The following UBAP2L variants were observed in gnomAD, a reference collection of about 807,000 sequenced individuals.
The protein encoded by UBAP2L is ubiquitin-associated protein 2-like.
In UBAP2L, 12 loss-of-function variants were observed where a neutral mutation model predicts 130.6. The ratio of observed to expected loss-of-function variants is 0.09; its 90% confidence interval spans 0.06 to 0.15. The LOEUF is 0.15. UBAP2L is among the 10% of genes least tolerant of loss of function. UBAP2L has a pLI of 1.00. For missense variants in UBAP2L, 965 were observed against 1,332.5 expected (o/e 0.72, Z 4.29); for synonymous variants, 503 against 524.7 (o/e 0.96, Z 0.57).
At chr1:154,249,091 A>T (rs963655412) in intron 11 of UBAP2L, 148 bp from the exon 12 acceptor site, 17 of 716,698 alleles carry the variant, frequency 2.4e-5, no homozygotes, top group Non-Finnish European at 7.1e-6. Context: ...TAGGTCCTAT[A>T]CTCTAGTGGA....
At chr1:154,242,698 A>G (rs1673967864) in intron 9 of UBAP2L, among the ~76,000 whole-genome samples, 1 of 152,224 alleles carries the variant, frequency 6.6e-6, no homozygotes, top group Admixed American at 6.5e-5. Context: ...TATTAAGGCA[A>G]AAATAACATC....
chr1:154,233,823 A>G (rs1178347646), intron 4 of UBAP2L, among the ~76,000 whole-genome samples: 1 of 149,938 alleles, frequency 6.7e-6, no homozygotes, highest in East Asian at 1.9e-4. Context: ...TTTGGTATGA[A>G]TGATGCTATA....
Position 154,259,928 on chromosome 1 carries a change from T to C in UBAP2L, c.2497-20T>C, listed in dbSNP as rs747955599. Reference sequence around the variant, plus strand: ...AATGAGTGACATTGAATCTCTGCTCTTTTTTCCCCTCTTTTCTAGGATTAC... The same window carrying C: ...AATGAGTGACATTGAATCTCTGCTCCTTTTTCCCCTCTTTTCTAGGATTAC... On this transcript the variant is annotated intron_variant, in intron 21 of 26. Coordinates refer to ENST00000428931, the MANE Select transcript of UBAP2L (RefSeq NM_014847.4). 3 of 1,610,028 alleles carry C rather than the reference T, an allele frequency of 1.9e-6. No individual in the cohort carries two copies. The South Asian group carries it at 3.3e-5, about 18-fold the overall frequency.
At chr1:154,261,216 A>C (rs1383066451) in intron 23 of UBAP2L, 107 bp downstream of exon 23, 2 of 1,273,970 alleles carry the variant, frequency 1.6e-6, no homozygotes, top group Non-Finnish European at 2.1e-6. Context: ...GAGGAGGAAC[A>C]GTTTCCACCT....
At chr1:154,271,488 C>T (rs1364131186), downstream of UBAP2L, 1 of 152,206 alleles carries the variant, frequency 6.6e-6, no homozygotes, top group African/African-American at 2.4e-5. Flanking sequence ...GGGGCCCATT[C>T]CCCCTAGGAA....
chr1:154,220,526 G>A (rs1055161232), upstream of UBAP2L: 2 of 1,112,600 alleles, frequency 1.8e-6, no homozygotes, highest in East Asian at 2.4e-5. Context: ...ATTTCCTTAC[G>A]GGGGAAGACC....
intron 1 of UBAP2L, among the ~76,000 whole-genome samples, chr1:154,224,620 T>TA (rs1389056628): frequency 6.6e-6 from 1 of 152,210 alleles, no homozygotes; most frequent in Non-Finnish European, 1.5e-5. Flanking sequence ...AAAAAGGTTG[T>TA]AAGGCAGGTA....
At chr1:154,249,512 G>C (rs1676769767) in intron 12 of UBAP2L, 75 bp downstream of exon 12, 3 of 1,575,986 alleles carry the variant, frequency 1.9e-6, no homozygotes, top group African/African-American at 1.3e-5. Context: ...GGGGGAGGGG[G>C]TGGAGAATGT....
intron 4 of UBAP2L, among the ~76,000 whole-genome samples, chr1:154,232,647 C>G (rs1456754660): frequency 6.6e-6 from 1 of 152,108 alleles, no homozygotes; most frequent in Non-Finnish European, 1.5e-5. Context: ...TTTGTATAAT[C>G]AGTATCTCTT....
rs1488827739 is a variant in UBAP2L at position 154,268,920 on chromosome 1, A to G, written c.3134A>G (p.Gln1045Arg). 2 of 1,602,852 alleles carry G rather than the reference A, an allele frequency of 1.2e-6. No homozygotes were observed. The highest frequency in any genetic ancestry group is 1.1e-5 in the South Asian group (1 of 90,778). The change falls in exon 26 of 27, where the codon CAG becomes CGG. Residue 1045 changes from glutamine (Q) to arginine (R), a missense_variant. Physicochemically the swap from Gln to Arg is conservative, Grantham distance 43. Around this residue, in one of 9 missense-constraint regions of UBAP2L, gnomAD observed 194 missense variants for 334.0 expected, o/e 0.58. Coordinates refer to ENST00000428931, the MANE Select transcript of UBAP2L (RefSeq NM_014847.4). ...ACCCCCCATCAGCAGCCGCATTCTC[A>G]GATCCTTCACCATCACCTGCAGCAG... ...ILTPHQQPHSQILHHHLQQDG... is the reference protein window; with the variant it reads ...ILTPHQQPHSRILHHHLQQDG...
chr1:154,271,032 C>G, downstream of UBAP2L: 2 of 1,317,550 alleles, frequency 1.5e-6, no homozygotes, highest in Non-Finnish European at 2.1e-6. Flanking sequence ...GTATCTTGTC[C>G]TTGAGGGGAT....
rs1349917502 is a variant in UBAP2L, at chr1:154,254,778, T to C, written c.1855-58T>C. On this transcript the variant is annotated intron_variant, in intron 15 of 26. Transcript: ENST00000428931. ...AATAAAGCTGCATCAGTGCTAACTT[T>C]CCTCATTCACATGAGTTTGTCTGTT... 9 of 1,561,596 alleles carry C rather than the reference T, an allele frequency of 5.8e-6. No homozygotes were observed. In the Admixed American group the frequency reaches 9.1e-5, roughly 16 times the overall value.
intron 4 of UBAP2L, among the ~76,000 whole-genome samples, chr1:154,234,048 G>GCAAAAAA (rs1670813618): frequency 6.6e-6 from 1 of 151,986 alleles, no homozygotes; most frequent in Non-Finnish European, 1.5e-5. Context: ...TTTATGGCTG[G>GCAAAAAA]GCTTGGTGGC....
At chr1:154,259,462 G>A (rs1489551483) in intron 21 of UBAP2L, among the ~76,000 whole-genome samples, 1 of 151,896 alleles carries the variant, frequency 6.6e-6, no homozygotes, top group Non-Finnish European at 1.5e-5. Context: ...TAAGTGCTGA[G>A]CTTATAGGCA....
chr1:154,242,703 A>G (rs146723290), intron 9 of UBAP2L, among the ~76,000 whole-genome samples: 118 of 152,344 alleles, frequency 7.7e-4, no homozygotes, highest in African/African-American at 2.5e-3. Flanking sequence ...AGGCAAAAAT[A>G]ACATCTAGTT....
intron 9 of UBAP2L, among the ~76,000 whole-genome samples, chr1:154,242,710 A>G (rs1179363103): frequency 6.6e-6 from 1 of 152,196 alleles, no homozygotes; most frequent in East Asian, 1.9e-4. Flanking sequence ...AATAACATCT[A>G]GTTAAAACGA....
chr1:154,247,689 A>T (rs1183050982), intron 11 of UBAP2L, among the ~76,000 whole-genome samples: 1 of 152,188 alleles, frequency 6.6e-6, no homozygotes, highest in Non-Finnish European at 1.5e-5. Context: ...TGAGCTCACC[A>T]CTGTACTCCA....
chr1:154,254,926 C>G (rs752520174), intron 16 of UBAP2L, 36 bp downstream of exon 16: 3 of 1,582,466 alleles, frequency 1.9e-6, no homozygotes, highest in South Asian at 2.4e-5. Flanking sequence ...TCCTAAGTTT[C>G]TGGTTTTCTA....
At chr1:154,271,134 A>T (rs749761761), downstream of UBAP2L, 4 of 587,356 alleles carry the variant, frequency 6.8e-6, no homozygotes, top group Non-Finnish European at 1.2e-5. Flanking sequence ...CTACATCTAC[A>T]GCCGATTTCA....
Sources: gnomAD v4.1 joint callset for allele counts (sites outside exome capture counted in the v4.1 genomes callset) on GRCh38, gnomAD v4.1.1 for gene constraint, gnomAD v4.1.1 regional missense constraint, MANE v1.5 for transcripts, NCBI Gene and HGNC (gene_info 2026-07-23, HGNC 2026-07-21) for gene names.